SRD5A3: variants seen among roughly 807,000 people sequenced by gnomAD.
The protein encoded by SRD5A3 is polyprenal reductase.
Under a neutral mutation model 34.3 loss-of-function variants are expected in SRD5A3, and 24 were observed. The observed-to-expected ratio is 0.70, with a 90% CI of 0.51 to 0.99. The LOEUF is 0.99. Ranked by LOEUF, SRD5A3 falls within the 50% of genes least tolerant of loss-of-function variation. The probability of loss-of-function intolerance (pLI) is 0.00; values close to 1 mark genes in which losing one functional copy is unlikely to be tolerated. For synonymous variants in SRD5A3, 161 were observed against 167.3 expected (o/e 0.96, Z 0.29); for missense variants, 350 against 388.2 (o/e 0.90, Z 0.83).
At chr4:55,361,348 G>A (rs558699752) in intron 2 of SRD5A3, among the ~76,000 whole-genome samples, 1 of 152,004 alleles carries the variant, frequency 6.6e-6, no homozygotes, top group East Asian at 1.9e-4. Flanking sequence ...TGGGTGTGCT[G>A]GCACATGCCT....
At chr4:55,353,352 C>G (rs1259105539) in intron 1 of SRD5A3, among the ~76,000 whole-genome samples, 1 of 152,110 alleles carries the variant, frequency 6.6e-6, no homozygotes, top group African/African-American at 2.4e-5. Flanking sequence ...CACCAATCAG[C>G]GCTCTGTGTC....
chr4:55,357,597 T>C (rs891308713), intron 1 of SRD5A3, among the ~76,000 whole-genome samples: 5 of 152,238 alleles, frequency 3.3e-5, no homozygotes, highest in African/African-American at 1.2e-4. Context: ...AAGATCCCAA[T>C]TGGGAATCAC....
intron 1 of SRD5A3, chr4:55,352,321 A>G: frequency 2.5e-6 from 2 of 795,284 alleles, no homozygotes; most frequent in Non-Finnish European, 4.6e-6. Flanking sequence ...TTAGGTTTTA[A>G]TTTATCCTTT....
chr4:55,365,807 T>G (rs1331276811), intron 3 of SRD5A3: 1 of 152,178 alleles, frequency 6.6e-6, no homozygotes, highest in African/African-American at 2.4e-5. Flanking sequence ...TTTCAGTAAT[T>G]CATTGAGAGA....
chr4:55,348,848 A>G (rs1719088240), intron 1 of SRD5A3, among the ~76,000 whole-genome samples: 1 of 152,226 alleles, frequency 6.6e-6, no homozygotes, highest in African/African-American at 2.4e-5. Flanking sequence ...ATCCTCTGGT[A>G]TACTTCGTGG....
intron 2 of SRD5A3, among the ~76,000 whole-genome samples, chr4:55,360,459 T>TTGAGCACTCCACGCCTACTGCCA (rs1719639746): frequency 6.6e-6 from 1 of 151,584 alleles, no homozygotes; most frequent in African/African-American, 2.4e-5. Context: ...TGAGCTAAGA[T>TTGAGCACTCCACGCCTACTGCCA]TGAGCTACTG....
At chr4:55,365,176 C>G (rs749570115) in intron 3 of SRD5A3, among the ~76,000 whole-genome samples, 2 of 152,162 alleles carry the variant, frequency 1.3e-5, no homozygotes, top group Non-Finnish European at 2.9e-5. Flanking sequence ...ACCATTGTCT[C>G]TAAACCCAGG....
At chr4:55,350,630 G>A (rs550799490) in intron 1 of SRD5A3, among the ~76,000 whole-genome samples, 2 of 152,172 alleles carry the variant, frequency 1.3e-5, no homozygotes, top group African/African-American at 4.8e-5. Flanking sequence ...CTTCTGTGAT[G>A]AGAACATCAA....
rs1351653839 is a variant in SRD5A3 at position 55,351,821 on chromosome 4, A to C, written c.221+5264A>C. The C allele has an allele frequency of 5.7e-6, 3 of 521,894 alleles. No individual in the cohort carries two copies. In the African/African-American group the frequency reaches 5.8e-5, roughly 10 times the overall value. 32.3% of individuals were successfully genotyped at this position (521,894 alleles called of 1,614,324 possible). A position where few individuals can be genotyped will look rare whatever the true frequency, so the allele number is the denominator to read the frequency against. On this transcript the variant is annotated intron_variant, in intron 1 of 4. Coordinates refer to ENST00000264228, the MANE Select transcript of SRD5A3 (RefSeq NM_024592.5). Reference sequence around the variant, plus strand: ...CTGTGTCTTATGAGAATTAGAATCAAGGGGCTCCATAATCATCTGGCATTC... The same window carrying C: ...CTGTGTCTTATGAGAATTAGAATCACGGGGCTCCATAATCATCTGGCATTC...
intron 3 of SRD5A3, chr4:55,367,255 G>A: frequency 5.1e-6 from 2 of 391,640 alleles, no homozygotes; most frequent in Non-Finnish European, 9.5e-6. Context: ...CAGTAGGGGA[G>A]CTGAACTTTG....
At chr4:55,356,688 G>T (rs1169004270) in intron 1 of SRD5A3, among the ~76,000 whole-genome samples, 1 of 149,938 alleles carries the variant, frequency 6.7e-6, no homozygotes, top group African/African-American at 2.4e-5. Flanking sequence ...TGTTGCTCAG[G>T]CTAGAGGGAT....
chr4:55,346,249 G>T lies in SRD5A3; in HGVS notation c.-88G>T. ...CGTCACCGACGTCCCGCTAGGCTGA[G>T]ACCGGTGCGCCGCGCGCTAGTGGCC... On this transcript the variant is annotated 5_prime_UTR_variant, in exon 1 of 5. Coordinates refer to ENST00000264228, the MANE Select transcript of SRD5A3 (RefSeq NM_024592.5). 2 of 1,231,948 alleles carry T rather than the reference G, an allele frequency of 1.6e-6. No homozygotes were observed. Among genetic ancestry groups the T allele is most frequent in the South Asian group, 4.1e-5 (2 of 48,608 alleles). 76.3% of individuals were successfully genotyped at this position (1,231,948 alleles called of 1,614,324 possible).
intron 1 of SRD5A3, among the ~76,000 whole-genome samples, chr4:55,354,956 G>T (rs1027639768): frequency 6.6e-6 from 1 of 152,232 alleles, no homozygotes; most frequent in Non-Finnish European, 1.5e-5. Context: ...GCAAGGGAGT[G>T]CTCATTCAGC....
intron 1 of SRD5A3, chr4:55,351,750 A>G (rs1035945396): frequency 2.7e-5 from 12 of 445,106 alleles, no homozygotes; most frequent in Admixed American, 5.3e-5. Context: ...TTGCATGTGT[A>G]ATGAACTGGC....
At chr4:55,349,775 T>TGAA (rs1719121135) in intron 1 of SRD5A3, among the ~76,000 whole-genome samples, 1 of 152,174 alleles carries the variant, frequency 6.6e-6, no homozygotes. Flanking sequence ...CTTTCCCCAC[T>TGAA]GAAGTCCAGG....
chr4:55,348,928 G>A (rs1212688187), intron 1 of SRD5A3, among the ~76,000 whole-genome samples: 1 of 152,206 alleles, frequency 6.6e-6, no homozygotes, highest in East Asian at 1.9e-4. Flanking sequence ...ATCCCAGATG[G>A]TAGCATTTAG....
chr4:55,358,740 T>A (rs1255626077), intron 1 of SRD5A3, among the ~76,000 whole-genome samples: 1 of 152,148 alleles, frequency 6.6e-6, no homozygotes, highest in Non-Finnish European at 1.5e-5. Flanking sequence ...CCTGTAGTTG[T>A]CTGAGAATTA....
At chr4:55,363,241 C>T (rs916899196) in intron 2 of SRD5A3, among the ~76,000 whole-genome samples, 9 of 151,594 alleles carry the variant, frequency 5.9e-5, no homozygotes, top group African/African-American at 9.7e-5. Context: ...GCTTGAGGCC[C>T]GGAGTTCGAG....
intron 1 of SRD5A3, among the ~76,000 whole-genome samples, chr4:55,354,703 A>G (rs1719371200): frequency 6.6e-6 from 1 of 151,960 alleles, no homozygotes; most frequent in Admixed American, 6.5e-5. Flanking sequence ...CTCCCTGTCT[A>G]TTGTGTTTGA....
Sources: gnomAD v4.1 joint callset for allele counts (sites outside exome capture counted in the v4.1 genomes callset) on GRCh38, gnomAD v4.1.1 for gene constraint, MANE v1.5 for transcripts, NCBI Gene and HGNC (gene_info 2026-07-23, HGNC 2026-07-21) for gene names.